Variants in KCNU1 observed in about 807,000 individuals in gnomAD.
KCNU1 encodes potassium channel subfamily U member 1.
In KCNU1, 93 loss-of-function variants were observed where a neutral mutation model predicts 126.8. The observed-to-expected ratio is 0.73, with a 90% CI of 0.62 to 0.87. The LOEUF is 0.87. Among genes scored for constraint, KCNU1 ranks in the 40% least tolerant of loss-of-function variants. The probability of loss-of-function intolerance (pLI) is 0.00; values close to 1 mark genes in which losing one functional copy is unlikely to be tolerated. For synonymous variants in KCNU1, 523 were observed against 494.2 expected (o/e 1.06, Z -0.77); for missense variants, 1,330 against 1,367.1 (o/e 0.97, Z 0.43).
chr8:36,807,119 T>A (rs1405131167), intron 5 of KCNU1, among the ~76,000 whole-genome samples: 1 of 152,174 alleles, frequency 6.6e-6, no homozygotes, highest in Non-Finnish European at 1.5e-5. Flanking sequence ...ACTATTATAA[T>A]AGTACCATTT....
Position 36,784,584 on chromosome 8 carries a change from C to G in KCNU1, c.174C>G (p.Ile58Met), listed in dbSNP as rs1324844914. The change falls in exon 1 of 27, where the codon ATC (isoleucine) becomes ATG (methionine). Residue 58 changes from isoleucine (I) to methionine (M), a missense_variant. This residue lies in a region of KCNU1 where 247 missense variants were observed against 255.4 expected (regional missense o/e 0.97). Transcript: ENST00000399881. ...IWRSVKKWQIIKGTGIILELF... is the reference protein window; with the variant it reads ...IWRSVKKWQIMKGTGIILELF... ...GATCTGTTAAAAAATGGCAAATCAT[C>G]AAGGGAACAGGAATTATCTTGGTCA... 1.2e-6 allele frequency: 2 copies of G among 1,612,848 alleles called. No homozygotes were observed. Among genetic ancestry groups the G allele is most frequent in the Non-Finnish European group, 1.7e-6 (2 of 1,179,304 alleles).
rs16885481 is a variant in KCNU1, at chr8:36,834,123, C to T, written c.1212+464C>T. 9.4e-3 allele frequency among the ~76,000 whole-genome samples: 1,428 copies of T among 152,088 alleles called. 19 individuals are homozygous for T. Among genetic ancestry groups the T allele is most frequent in the African/African-American group, 0.031 (1,276 of 41,464 alleles). On this transcript the variant is annotated intron_variant, in intron 11 of 26. Coordinates refer to ENST00000399881, the MANE Select transcript of KCNU1 (RefSeq NM_001031836.3). ...AGTAGAAATCTCATTAAAGTTGTGACGCAAAATAATGAGCAACAGCCAACC... is the reference window on the plus strand; with the variant it reads ...AGTAGAAATCTCATTAAAGTTGTGATGCAAAATAATGAGCAACAGCCAACC...
chr8:36,802,085 G>C (rs1477245231), intron 2 of KCNU1, among the ~76,000 whole-genome samples: 1 of 144,282 alleles, frequency 6.9e-6, no homozygotes, highest in Non-Finnish European at 1.5e-5. Context: ...CTGCAGCCTG[G>C]GGAAAAGAGC....
rs148727085 is a variant in KCNU1 at position 36,838,368 on chromosome 8, G to A, written c.1518+1423G>A. ...TCATGAAACTATAGAAGACAGGGATGTAAAACCATCCTCTTGTATTTTTCT... is the reference window on the plus strand; with the variant it reads ...TCATGAAACTATAGAAGACAGGGATATAAAACCATCCTCTTGTATTTTTCT... On this transcript the variant is annotated intron_variant, in intron 14 of 26. Transcript: ENST00000399881. Among the ~76,000 whole-genome samples the A allele has an allele frequency of 5.0e-3, 756 of 152,304 alleles. 10 individuals are homozygous for A. Among genetic ancestry groups the A allele is most frequent in the African/African-American group, 0.017 (717 of 41,564 alleles).
chr8:36,935,895 C>G lies in KCNU1; in HGVS notation c.3425C>G (p.Pro1142Arg). Residue 1142 changes from proline (P) to arginine (R), a missense_variant, in exon 27 of 27, where the codon CCC (proline) becomes CGC (arginine). This residue lies in a region of KCNU1 where 1,054 missense variants were observed against 1,053.9 expected (regional missense o/e 1.00). Transcript: ENST00000399881. Reference sequence around the variant, plus strand: ...TCAGATGAGGTTTATGATGAGGATCCCTTTGCATATTCAGAGCCACTATAG... The same window carrying G: ...TCAGATGAGGTTTATGATGAGGATCGCTTTGCATATTCAGAGCCACTATAG... ...KTSDEVYDED[P>R]FAYSEPL 2 of 1,601,156 alleles carry G rather than the reference C, an allele frequency of 1.2e-6. No homozygotes were observed. Among genetic ancestry groups the G allele is most frequent in the Non-Finnish European group, 1.7e-6 (2 of 1,174,022 alleles).
At chr8:36,807,627 C>G (rs1346337310) in intron 6 of KCNU1, among the ~76,000 whole-genome samples, 177 bp downstream of exon 6, 6 of 151,980 alleles carry the variant, frequency 3.9e-5, no homozygotes, top group Admixed American at 1.3e-4. Context: ...ACATCTTACA[C>G]TAGCTGAAAA....
intron 7 of KCNU1, among the ~76,000 whole-genome samples, chr8:36,811,621 G>C (rs1047153252): frequency 1.4e-4 from 21 of 152,128 alleles, no homozygotes; most frequent in African/African-American, 4.8e-4. Flanking sequence ...TTCAAGAATG[G>C]GGAAGCCATG....
At chr8:36,790,046 A>C (rs1283376461) in intron 2 of KCNU1, among the ~76,000 whole-genome samples, 1 of 152,206 alleles carries the variant, frequency 6.6e-6, no homozygotes, top group Non-Finnish European at 1.5e-5. Flanking sequence ...GTATGAGTTG[A>C]CATGGTCTGA....
chr8:36,852,394 G>T (rs1805382393), intron 18 of KCNU1, among the ~76,000 whole-genome samples: 1 of 152,004 alleles, frequency 6.6e-6, no homozygotes, highest in Non-Finnish European at 1.5e-5. Flanking sequence ...AGAATGAATT[G>T]GAAATTCCCT....
At chr8:36,891,413 C>T (rs1173932668) in intron 19 of KCNU1, among the ~76,000 whole-genome samples, 1 of 151,972 alleles carries the variant, frequency 6.6e-6, no homozygotes, top group African/African-American at 2.4e-5. Flanking sequence ...GCTTTGCAAA[C>T]TTGTATTTTA....
chr8:36,932,966 T>C lies in KCNU1; in HGVS notation c.2978T>C (p.Phe993Ser). ...CTGTTCTGTGGCTCATTAGATCTTTTTGGAATCCTGTGTGTTGGCTTATAC... is the reference window on the plus strand; with the variant it reads ...CTGTTCTGTGGCTCATTAGATCTTTCTGGAATCCTGTGTGTTGGCTTATAC... ...GQLFCGSLDL[F>S]GILCVGLYRI... The change falls in exon 26 of 27, where the codon TTT (phenylalanine) becomes TCT (serine). Residue 993 changes from phenylalanine (F) to serine (S), a missense_variant. Phe to Ser is a radical substitution (Grantham distance 155). Coordinates refer to ENST00000399881, the MANE Select transcript of KCNU1 (RefSeq NM_001031836.3). 6.3e-7 allele frequency: 1 copy of C among 1,577,604 alleles called. No homozygotes were observed. Among genetic ancestry groups the C allele is most frequent in the Non-Finnish European group, 8.6e-7 (1 of 1,159,946 alleles).
rs546593183 is a variant in KCNU1 at position 36,900,495 on chromosome 8, T to C, written c.2010-5213T>C. Reference sequence around the variant, plus strand: ...TATTTGACTACAATATGTGTATAGGTGTGGGAGGGGGTATGTGAGTAGGAT... The same window carrying C: ...TATTTGACTACAATATGTGTATAGGCGTGGGAGGGGGTATGTGAGTAGGAT... On this transcript the variant is annotated intron_variant, in intron 19 of 26. Coordinates refer to ENST00000399881, the MANE Select transcript of KCNU1 (RefSeq NM_001031836.3). 3.3e-5 allele frequency among the ~76,000 whole-genome samples: 5 copies of C among 152,102 alleles called. No individual in the cohort carries two copies. In the South Asian group the frequency reaches 1.0e-3, roughly 32 times the overall value.
intron 19 of KCNU1, among the ~76,000 whole-genome samples, chr8:36,899,635 A>G (rs1225412746): frequency 2.0e-5 from 3 of 152,112 alleles, no homozygotes; most frequent in Non-Finnish European, 4.4e-5. Flanking sequence ...CAGGAAGCAG[A>G]GAGAGAGGTT....
intron 26 of KCNU1, among the ~76,000 whole-genome samples, 200 bp downstream of exon 26, chr8:36,933,232 T>C (rs758173108): frequency 6.6e-6 from 1 of 152,074 alleles, no homozygotes; most frequent in Non-Finnish European, 1.5e-5. Flanking sequence ...CCTATTAATA[T>C]TGGCTATATA....
Position 36,917,517 on chromosome 8 carries a change from A to ATT in KCNU1, c.2522-1295_2522-1294dup, listed in dbSNP as rs112813620. Among the ~76,000 whole-genome samples, 383 of 146,944 alleles carry ATT rather than the reference A, an allele frequency of 2.6e-3. 3 individuals carry two copies. The highest frequency in any genetic ancestry group is 8.9e-3 in the South Asian group (41 of 4,602). Reference sequence around the variant, plus strand: ...AGCTCTGCACTGCTACACCCAGCTAATTTTTTTTTTTTAATTTTTGTAGAG... The same window carrying ATT: ...AGCTCTGCACTGCTACACCCAGCTAATTTTTTTTTTTTTTAATTTTTGTAGAG... On this transcript the variant is annotated intron_variant, in intron 22 of 26. Transcript: ENST00000399881.
At chr8:36,901,689 G>A (rs752381890) in intron 19 of KCNU1, among the ~76,000 whole-genome samples, 1 of 152,122 alleles carries the variant, frequency 6.6e-6, no homozygotes, top group Admixed American at 6.5e-5. Flanking sequence ...AAGGTTCATT[G>A]CTTCCTGGAT....
intron 19 of KCNU1, among the ~76,000 whole-genome samples, chr8:36,882,168 G>A (rs1182421839): frequency 1.3e-5 from 2 of 152,124 alleles, no homozygotes; most frequent in Non-Finnish European, 2.9e-5. Context: ...TTTCATATGA[G>A]TTTCTATTTG....
chr8:36,861,306 T>TACAG (rs1360576445), intron 18 of KCNU1, among the ~76,000 whole-genome samples: 1 of 152,224 alleles, frequency 6.6e-6, no homozygotes, highest in Non-Finnish European at 1.5e-5. Context: ...TGAGTGTGGC[T>TACAG]TTCCATGATT....
At chr8:36,871,974 T>C (rs1204460977) in intron 19 of KCNU1, among the ~76,000 whole-genome samples, 1 of 152,182 alleles carries the variant, frequency 6.6e-6, no homozygotes, top group Non-Finnish European at 1.5e-5. Context: ...TTAGTCACTG[T>C]TTCTAAGTAA....
Sources: allele counts gnomAD v4.1 joint callset (sites outside exome capture counted in the v4.1 genomes callset), GRCh38; gene constraint gnomAD v4.1.1; regional missense constraint gnomAD v4.1.1; transcripts MANE v1.5; gene names NCBI Gene and HGNC (gene_info 2026-07-23, HGNC 2026-07-21).